Variants in PDPN observed in about 807,000 individuals in gnomAD.
PDPN encodes PA2.26 antigen.
Under a neutral mutation model 23.2 loss-of-function variants are expected in PDPN, and 12 were observed. That is an observed-to-expected ratio of 0.52 (90% CI 0.33 to 0.84). PDPN has a LOEUF of 0.84. Ranked by LOEUF, PDPN falls within the 40% of genes least tolerant of loss-of-function variation. The pLI is 0.02. For missense variants in PDPN, 199 were observed against 212.2 expected (o/e 0.94, Z 0.39); for synonymous variants, 77 against 76.7 (o/e 1.00, Z -0.02).
At chr1:13,595,938 C>T (rs1161649587) in intron 1 of PDPN, 112 of 1,208,190 alleles carry the variant, frequency 9.3e-5, no homozygotes, top group Non-Finnish European at 1.1e-4. Flanking sequence ...TGGCTCACAA[C>T]TGTAATCCCA....
intron 1 of PDPN, among the ~76,000 whole-genome samples, chr1:13,593,898 A>G (rs1011641554): frequency 2.0e-5 from 3 of 152,236 alleles, no homozygotes; most frequent in Non-Finnish European, 2.9e-5. Context: ...GAGTTCCAGA[A>G]AAGTTTATTA....
At chr1:13,585,919 A>C (rs139067770) in intron 1 of PDPN, among the ~76,000 whole-genome samples, 2 of 152,142 alleles carry the variant, frequency 1.3e-5, no homozygotes, top group African/African-American at 4.8e-5. Flanking sequence ...GATCCTTTTC[A>C]TAAGATCCTA....
chr1:13,584,929 G>A (rs963166943), intron 1 of PDPN, among the ~76,000 whole-genome samples: 1 of 152,174 alleles, frequency 6.6e-6, no homozygotes, highest in Non-Finnish European at 1.5e-5. Flanking sequence ...CTGGGTTGCT[G>A]TGTTGGTGGT....
At chr1:13,594,935 C>T (rs1372197088) in intron 1 of PDPN, among the ~76,000 whole-genome samples, 2 of 149,506 alleles carry the variant, frequency 1.3e-5, no homozygotes, top group East Asian at 2.0e-4. Context: ...GCAGAGCTTG[C>T]AGTGAGCTGA....
At position 13,607,232 on chromosome 1, in the gene PDPN, A is replaced by G. The variant is rs141726617; in HGVS notation, c.127A>G (p.Met43Val). 1,710 of 1,614,126 alleles carry G rather than the reference A, an allele frequency of 1.1e-3. 20 individuals are homozygous for G. In the African/African-American group the frequency reaches 0.02, roughly 19 times the overall value. ...TACAGGTTTGGAAGGCGGCGTTGCC[A>G]TGCCAGGTGCCGAAGATGATGTGGT... Reference protein sequence around the residue: ...ETTGLEGGVAMPGAEDDVVTP... With the variant: ...ETTGLEGGVAVPGAEDDVVTP... The change falls in exon 2 of 6, where the codon ATG (methionine) becomes GTG (valine). Residue 43 changes from methionine (M) to valine (V), a missense_variant. Met to Val is a conservative substitution (Grantham distance 21). Coordinates refer to ENST00000621990, the MANE Select transcript of PDPN (RefSeq NM_006474.5).
At chr1:13,598,703 C>T (rs1294184387) in intron 1 of PDPN, among the ~76,000 whole-genome samples, 1 of 152,158 alleles carries the variant, frequency 6.6e-6, no homozygotes. Context: ...CCTGGCCACA[C>T]TGACCATCCT....
chr1:13,596,151 A>G (rs1354695378), intron 1 of PDPN, among the ~76,000 whole-genome samples: 1 of 149,434 alleles, frequency 6.7e-6, no homozygotes, highest in African/African-American at 2.5e-5. Flanking sequence ...ATGAGCCAAG[A>G]TTGCACCACT....
In PDPN at chr1:13,610,476, A is replaced by G; in HGVS notation, c.291A>G (p.Pro97=). 6 of 1,614,066 alleles carry G rather than the reference A, an allele frequency of 3.7e-6. No individual in the cohort carries two copies. Among genetic ancestry groups the G allele is most frequent in the Non-Finnish European group, 5.1e-6 (6 of 1,179,934 alleles). ...CAGTCCACGCGCAAGAACAAAGTCC[A>G]AGCGCCACAGCCTCAAACGTGGCCA... is the stretch of plus-strand genomic sequence containing the variant. ...ESTVHAQEQS[P]SATASNVATS... The change falls in exon 3 of 6, where the codon CCA becomes CCG. Residue 97 remains proline, a synonymous_variant. Coordinates refer to ENST00000621990, the MANE Select transcript of PDPN (RefSeq NM_006474.5).
chr1:13,595,933 C>T (rs540052944), intron 1 of PDPN: 4 of 1,232,146 alleles, frequency 3.2e-6, no homozygotes, highest in South Asian at 2.5e-5. Context: ...TGCAGTGGCT[C>T]ACAACTGTAA....
chr1:13,590,431 A>T (rs991890008), intron 1 of PDPN, among the ~76,000 whole-genome samples: 5 of 152,152 alleles, frequency 3.3e-5, no homozygotes, highest in African/African-American at 1.2e-4. Context: ...GTTGCTAGGG[A>T]TTTAGAGATA....
At chr1:13,588,323 A>C (rs1250958199) in intron 1 of PDPN, among the ~76,000 whole-genome samples, 1 of 152,148 alleles carries the variant, frequency 6.6e-6, no homozygotes, top group Non-Finnish European at 1.5e-5. Context: ...AATGGGAAGC[A>C]GGAAAGGGGC....
intron 1 of PDPN, among the ~76,000 whole-genome samples, chr1:13,586,188 C>T (rs983108479): frequency 2.6e-5 from 4 of 152,110 alleles, no homozygotes; most frequent in Non-Finnish European, 4.4e-5. Flanking sequence ...TGTGCTTTTC[C>T]GGGACCAATC....
At chr1:13,587,143 A>G (rs1029951619) in intron 1 of PDPN, among the ~76,000 whole-genome samples, 1 of 152,264 alleles carries the variant, frequency 6.6e-6, no homozygotes, top group African/African-American at 2.4e-5. Context: ...AAAATTTTCT[A>G]AAGATACGAG....
chr1:13,583,797 G>A (rs1361530646), upstream of PDPN: 1 of 1,529,802 alleles, frequency 6.5e-7, no homozygotes, highest in Admixed American at 2.1e-5. Flanking sequence ...GCCTCCTCGG[G>A]AGAGATAAAT....
intron 3 of PDPN, among the ~76,000 whole-genome samples, chr1:13,610,941 G>A (rs1371462463): frequency 6.6e-6 from 1 of 152,228 alleles, no homozygotes; most frequent in Non-Finnish European, 1.5e-5. Flanking sequence ...TCTGTTCTCC[G>A]CCTGGCGCGG....
chr1:13,606,426 A>G (rs1356266575), intron 1 of PDPN, among the ~76,000 whole-genome samples: 1 of 152,204 alleles, frequency 6.6e-6, no homozygotes, highest in East Asian at 1.9e-4. Context: ...CATGTAATCT[A>G]CGAGGTCTGT....
At position 13,584,055 on chromosome 1, in the gene PDPN, C is replaced by G. The variant is rs758445061; in HGVS notation, c.22C>G (p.Leu8Val). 1.4e-5 allele frequency: 23 copies of G among 1,613,150 alleles called. No individual in the cohort carries two copies. The highest frequency in any genetic ancestry group is 3.3e-5 in the Admixed American group (2 of 60,008). The change falls in exon 1 of 6, where the codon CTC (leucine) becomes GTC (valine). Residue 8 changes from leucine to valine, a missense_variant. Transcript: ENST00000621990. MWKVSAL[L>V]FVLGSASLWV... ...AACGATGTGGAAGGTGTCAGCTCTG[C>G]TCTTCGTTTTGGGAAGCGCGTCGCT... is the stretch of plus-strand genomic sequence containing the variant.
chr1:13,607,443 T>G (rs893314833), intron 2 of PDPN, 137 bp downstream of exon 2: 1 of 543,972 alleles, frequency 1.8e-6, no homozygotes, highest in Non-Finnish European at 2.9e-6. Context: ...AAGGAATAGT[T>G]ACGTGGCTCA....
At chr1:13,584,974 T>C (rs750751732) in intron 1 of PDPN, among the ~76,000 whole-genome samples, 20 of 152,330 alleles carry the variant, frequency 1.3e-4, no homozygotes, top group Non-Finnish European at 2.8e-4. Flanking sequence ...TGTTTTCTTT[T>C]CTTGGGTTTT....
Sources: allele counts gnomAD v4.1 joint callset (sites outside exome capture counted in the v4.1 genomes callset), GRCh38; gene constraint gnomAD v4.1.1; transcripts MANE v1.5; gene names NCBI Gene and HGNC (gene_info 2026-07-23, HGNC 2026-07-21).